ZNF600: variants seen among roughly 807,000 people sequenced by gnomAD.
The protein encoded by ZNF600 is zinc finger protein 600, also known as zinc finger protein KR-ZNF1.
Under a neutral mutation model 7.3 loss-of-function variants are expected in ZNF600, and 4 were observed. The observed-to-expected ratio is 0.55, with a 90% confidence interval of 0.27 to 1.25. The LOEUF (loss-of-function observed/expected upper bound fraction) is 1.25, where lower values mean the gene tolerates loss of function less well. Among genes scored for constraint, ZNF600 ranks in the 50% most tolerant of loss-of-function variants. The pLI is 0.12. For synonymous variants in ZNF600, 290 were observed against 308.9 expected, an observed-to-expected ratio of 0.94 and a Z score of 0.64; for missense variants, 911 against 922.1, an observed-to-expected ratio of 0.99 and a Z score of 0.16.
the ZNF600 span, among the ~76,000 whole-genome samples, chr19:52,833,494 G>A: frequency 7.9e-5 from 12 of 152,238 alleles, no homozygotes; most frequent in Admixed American, 7.9e-4. Flanking sequence ...TAAATACCTG[G>A]TGTTTCAGAA....
At chr19:52,800,203 C>T in the ZNF600 span, 3 of 1,613,252 alleles carry the variant, frequency 1.9e-6, no homozygotes, top group Non-Finnish European at 2.5e-6. Flanking sequence ...TACGGTTTCT[C>T]TGCAGTATGA....
chr19:52,827,748 TGTTAGCCAGGATG>T, the ZNF600 span, among the ~76,000 whole-genome samples: 1 of 151,864 alleles, frequency 6.6e-6, no homozygotes, highest in African/African-American at 2.4e-5. Flanking sequence ...GGTTTCACCA[TGTTAGCCAGGATG>T]GTCTCGATCT....
chr19:52,788,126 T>G (rs1052086069), upstream of ZNF600, among the ~76,000 whole-genome samples: 7 of 152,140 alleles, frequency 4.6e-5, no homozygotes, highest in African/African-American at 9.6e-5. Context: ...CCCAGGACCA[T>G]GCCCAGTGCA....
the ZNF600 span, among the ~76,000 whole-genome samples, chr19:52,807,265 C>A: frequency 3.7e-4 from 57 of 152,112 alleles, no homozygotes; most frequent in Non-Finnish European, 7.8e-4. Context: ...GAGTCCCAGC[C>A]CTATGTTTCT....
upstream of ZNF600, among the ~76,000 whole-genome samples, chr19:52,791,314 A>G (rs1267977778): frequency 4.6e-5 from 7 of 152,126 alleles, no homozygotes; most frequent in African/African-American, 1.7e-4. Context: ...TCCCAAGTTC[A>G]TGTCACTGGC....
At chr19:52,810,996 T>A in the ZNF600 span, among the ~76,000 whole-genome samples, 3 of 139,568 alleles carry the variant, frequency 2.1e-5, no homozygotes, top group Non-Finnish European at 4.7e-5. Flanking sequence ...CCTGCCTGAT[T>A]CTCCTGCCTC....
In ZNF600 at chr19:52,766,266, G is replaced by C. The variant is rs781750814; in HGVS notation, c.1697C>G (p.Pro566Arg). ...CTTGCTGCACTCATTACACTTGTAA[G>C]GTTTCTCTCCACTATGAATTCTAGT... The change falls in exon 4 of 4, where the codon CCT becomes CGT. Residue 566 changes from proline to arginine, a missense_variant. Physicochemically the swap from Pro to Arg is moderately radical, Grantham distance 103. Coordinates refer to ENST00000648973, the Ensembl canonical transcript of ZNF600. 8 of 1,613,994 alleles carry C rather than the reference G, an allele frequency of 5.0e-6. No homozygotes were observed. The African/African-American group carries it at 8.0e-5, about 16-fold the overall frequency.
chr19:52,830,594 C>T, the ZNF600 span, among the ~76,000 whole-genome samples: 1 of 152,078 alleles, frequency 6.6e-6, no homozygotes, highest in African/African-American at 2.4e-5. Flanking sequence ...AGCCATCCCT[C>T]ATGGATCATG....
At chr19:52,786,780 G>A (rs1019432359) in exon 1 of ZNF600, 9 of 290,912 alleles carry the variant, frequency 3.1e-5, no homozygotes, top group Middle Eastern at 4.0e-4. Flanking sequence ...GGGTTTGTGC[G>A]CGCCCAGGAC....
the ZNF600 span, chr19:52,818,099 C>T: frequency 7.1e-7 from 1 of 1,416,518 alleles, no homozygotes; most frequent in Non-Finnish European, 9.6e-7. Flanking sequence ...CACAACAACA[C>T]ATACAAAGGA....
chr19:52,809,918 C>G, the ZNF600 span: 1 of 848,760 alleles, frequency 1.2e-6, no homozygotes, highest in Non-Finnish European at 2.0e-6. Context: ...TGCCCGGGGC[C>G]GGTGGGGAGG....
intron 1 of ZNF600, chr19:52,781,330 G>A (rs930680730): frequency 3.9e-5 from 6 of 152,076 alleles, no homozygotes; most frequent in Non-Finnish European, 8.8e-5. Context: ...TATGTTACAG[G>A]TGGGCTCACT....
At chr19:52,809,901 C>T in the ZNF600 span, 1 of 821,842 alleles carries the variant, frequency 1.2e-6, no homozygotes, top group Non-Finnish European at 2.0e-6. Flanking sequence ...GGGGCGGCGC[C>T]ATCTTGTGCC....
At chr19:52,783,246 T>C (rs1277102890) in intron 1 of ZNF600, among the ~76,000 whole-genome samples, 1 of 152,194 alleles carries the variant, frequency 6.6e-6, no homozygotes, top group African/African-American at 2.4e-5. Flanking sequence ...ATTTGTTACA[T>C]TATAAACAGA....
the ZNF600 span, among the ~76,000 whole-genome samples, chr19:52,820,346 T>C: frequency 7.3e-6 from 1 of 136,672 alleles, no homozygotes; most frequent in Non-Finnish European, 1.5e-5. Flanking sequence ...CTCGATCTCC[T>C]GACCTCATGA....
At chr19:52,765,074 G>A in exon 4 of ZNF600, 1 of 356,358 alleles carries the variant, frequency 2.8e-6, no homozygotes, top group South Asian at 2.3e-5. Flanking sequence ...TCAATTAAGG[G>A]TTGAACTCAA....
chr19:52,765,488 G>T (rs1436298297), exon 4 of ZNF600: 3 of 1,562,876 alleles, frequency 1.9e-6, no homozygotes, highest in Non-Finnish European at 2.6e-6. Context: ...TGAAAAATTT[G>T]CCACATTTAT....
At chr19:52,795,966 G>C in the ZNF600 span, among the ~76,000 whole-genome samples, 91 of 152,112 alleles carry the variant, frequency 6.0e-4, 1 homozygote, top group African/African-American at 2.1e-3. Context: ...CCTCAGCCCT[G>C]GAGTTCGAGA....
the ZNF600 span, among the ~76,000 whole-genome samples, chr19:52,794,080 G>A: frequency 6.6e-6 from 1 of 151,888 alleles, no homozygotes; most frequent in South Asian, 2.1e-4. Flanking sequence ...GAGAGCTGAG[G>A]AGACAACTGG....
Sources: allele counts gnomAD v4.1 joint callset (sites outside exome capture counted in the v4.1 genomes callset), GRCh38; gene constraint gnomAD v4.1.1; transcripts MANE v1.5; gene names NCBI Gene and HGNC (gene_info 2026-07-23, HGNC 2026-07-21).